Variants in ANPEP observed in about 807,000 individuals in gnomAD.
ANPEP encodes the protein alanyl aminopeptidase, membrane, also known as aminopeptidase N.
A neutral mutation model predicts 114.6 loss-of-function variants in ANPEP; 70 were observed. The ratio of observed to expected loss-of-function variants is 0.61; its 90% CI spans 0.50 to 0.75. The LOEUF is 0.75. Among genes scored for constraint, ANPEP ranks in the 30% least tolerant of loss-of-function variants. The pLI is 0.00. For missense variants in ANPEP, 1,184 were observed against 1,259.5 expected, an observed-to-expected ratio of 0.94 and a Z score of 0.91; for synonymous variants, 548 against 522.3, an observed-to-expected ratio of 1.05 and a Z score of -0.67.
rs193150988 is a variant in ANPEP, at chr15:89,812,097, T to G, written c.-224+2675A>C. On this transcript the variant is annotated intron_variant, in intron 1 of 20. Coordinates refer to ENST00000300060, the MANE Select transcript of ANPEP (RefSeq NM_001150.3). The stretch of plus-strand genomic sequence containing the variant: ...AGGCTCCTTGGTCTCAGATGTGAAG[T>G]GCAAGAGGCTTTCTACTCTAATATG... Among the ~76,000 whole-genome samples, 414 of 152,266 alleles carry G rather than the reference T, an allele frequency of 2.7e-3. 2 individuals are homozygous for G. Among genetic ancestry groups the G allele is most frequent in the African/African-American group, 9.5e-3 (393 of 41,540 alleles).
At position 89,785,259 on chromosome 15, in the gene ANPEP, G is replaced by C. The variant is rs921585972; in HGVS notation, c.*90C>G. The stretch of plus-strand genomic sequence containing the variant: ...TTGAGGGGAGGACACTGGTGCCTCG[G>C]GCTCCAGGAATGGAGGCCCTGCACC... On this transcript the variant is annotated 3_prime_UTR_variant, in exon 21 of 21. Coordinates refer to ENST00000300060, the MANE Select transcript of ANPEP (RefSeq NM_001150.3). The C allele has an allele frequency of 2.1e-5, 32 of 1,527,428 alleles. No individual in the cohort carries two copies. Among genetic ancestry groups the C allele is most frequent in the Middle Eastern group, 1.8e-4 (1 of 5,692 alleles). 94.6% of individuals were successfully genotyped at this position (1,527,428 alleles called of 1,614,324 possible).
chr15:89,808,424 C>T (rs1894762450), intron 1 of ANPEP, among the ~76,000 whole-genome samples: 1 of 152,248 alleles, frequency 6.6e-6, no homozygotes. Context: ...GGACTGCAGG[C>T]CCCATGACAG....
At position 89,792,142 on chromosome 15, in the gene ANPEP, C is replaced by A. The variant is rs763160436; in HGVS notation, c.2528+18G>T. On this transcript the variant is annotated intron_variant, in intron 18 of 20. Transcript: ENST00000300060. ...TGGGGAGAGGGCTCTCGCAGTCCCA[C>A]CCTGCGCCAAGACTCACCTGTTCAG... 3.1e-6 allele frequency: 5 copies of A among 1,608,704 alleles called. No homozygotes were observed. In the South Asian group the frequency reaches 5.5e-5, roughly 18 times the overall value.
At chr15:89,794,318 T>C (rs892018377) in intron 15 of ANPEP, among the ~76,000 whole-genome samples, 21 of 151,952 alleles carry the variant, frequency 1.4e-4, no homozygotes, top group African/African-American at 4.3e-4. Context: ...ACCCCGAAGC[T>C]ACTAAAAATA....
intron 20 of ANPEP, among the ~76,000 whole-genome samples, chr15:89,787,434 C>T (rs1305883999): frequency 2.0e-5 from 3 of 151,968 alleles, no homozygotes; most frequent in Admixed American, 2.0e-4. Flanking sequence ...TCTTCATGAC[C>T]TTGGGTTAGA....
At chr15:89,813,523 G>A (rs538047521) in intron 1 of ANPEP, among the ~76,000 whole-genome samples, 1 of 152,126 alleles carries the variant, frequency 6.6e-6, no homozygotes, top group East Asian at 1.9e-4. Flanking sequence ...TGTGGCCTTC[G>A]AGGCTAGGGC....
At chr15:89,804,644 C>G in intron 4 of ANPEP, 27 bp from the exon 5 acceptor site, 1 of 1,607,964 alleles carries the variant, frequency 6.2e-7, no homozygotes, top group Non-Finnish European at 8.5e-7. Context: ...AGAAGCAGAC[C>G]AGGGGCTCCT....
rs1186482039 is a variant in ANPEP at position 89,804,178 on chromosome 15, G to A, written c.1179+75C>T. 9.4e-6 allele frequency: 15 copies of A among 1,595,314 alleles called. No individual in the cohort carries two copies. The Middle Eastern group carries it at 8.7e-4, about 92-fold the overall frequency. On this transcript the variant is annotated intron_variant, in intron 6 of 20. Transcript: ENST00000300060. ...CCTCCTCCCTTCTCAGCAGCCCGGG[G>A]CAGAGCCTGGACTTGCGCCGTCTCC...
intron 1 of ANPEP, among the ~76,000 whole-genome samples, chr15:89,813,720 C>T (rs1395343742): frequency 1.3e-5 from 2 of 152,200 alleles, no homozygotes; most frequent in East Asian, 3.9e-4. Flanking sequence ...CGCCCACCTC[C>T]CCTCCACAAA....
rs573285200 is a variant in ANPEP, at chr15:89,793,767, T to C, written c.2158-641A>G. ...GGAATTTGGGAAACACAGAGAAGTA[T>C]ATGCAGAAAATAAAACACACCCAGG... On this transcript the variant is annotated intron_variant, in intron 15 of 20. Transcript: ENST00000300060. 1.1e-4 allele frequency among the ~76,000 whole-genome samples: 17 copies of C among 151,190 alleles called. No homozygotes were observed. The South Asian group carries it at 3.5e-3, about 31-fold the overall frequency.
Position 89,801,627 on chromosome 15 carries a change from G to A in ANPEP, c.1570-20C>T, listed in dbSNP as rs1894593658. On this transcript the variant is annotated intron_variant, in intron 10 of 20. Coordinates refer to ENST00000300060, the MANE Select transcript of ANPEP (RefSeq NM_001150.3). ...CACAGCCTGTGGGTGGAGCGAGAGG[G>A]CGTGGCCATCAGTGGGACCCTCCAG... 2.5e-6 allele frequency: 4 copies of A among 1,609,406 alleles called. No homozygotes were observed. The highest frequency in any genetic ancestry group is 3.3e-5 in the Admixed American group (2 of 59,872).
At position 89,792,376 on chromosome 15, in the gene ANPEP, G is replaced by A. The variant is rs779035253; in HGVS notation, c.2361-49C>T. On this transcript the variant is annotated intron_variant, in intron 17 of 20. Coordinates refer to ENST00000300060, the MANE Select transcript of ANPEP (RefSeq NM_001150.3). ...GTGTGGAACAGCAGCGGGGAGGGTG[G>A]GACAGGGTTCTGCTGAGGACGGGGC... is the stretch of plus-strand genomic sequence containing the variant. 21 of 1,612,644 alleles carry A rather than the reference G, an allele frequency of 1.3e-5. No individual in the cohort carries two copies. In the South Asian group the frequency reaches 2.2e-4, roughly 17 times the overall value.
chr15:89,799,786 T>G lies in ANPEP; in HGVS notation c.1820-227A>C, dbSNP rs1038014954. Among the ~76,000 whole-genome samples the G allele has an allele frequency of 6.6e-6, 1 of 152,168 alleles. No homozygotes were observed. Among genetic ancestry groups the G allele is most frequent in the African/African-American group, 2.4e-5 (1 of 41,438 alleles). On this transcript the variant is annotated intron_variant, in intron 12 of 20. Transcript: ENST00000300060. The surrounding 1 kb of genome is among the most constrained non-coding windows in gnomAD (Gnocchi z 4.2). ...CCACCCCAAACCTCAGAACCTGCCC[T>G]GCCTCCCTAGGCTCTGCACGGCCAG... is the stretch of plus-strand genomic sequence containing the variant.
chr15:89,791,262 G>C (rs1968619010), intron 18 of ANPEP, among the ~76,000 whole-genome samples, 169 bp from the exon 19 acceptor site: 1 of 152,220 alleles, frequency 6.6e-6, no homozygotes, highest in African/African-American at 2.4e-5. Flanking sequence ...GGAAAACTGA[G>C]TCACCTAAGC....
intron 15 of ANPEP, among the ~76,000 whole-genome samples, chr15:89,797,026 C>T (rs562005373): frequency 1.1e-4 from 17 of 152,290 alleles, no homozygotes; most frequent in Non-Finnish European, 2.1e-4. Context: ...GTCTCCCAAG[C>T]GGGAGCCTCA....
chr15:89,813,866 T>A (rs534776242), intron 1 of ANPEP, among the ~76,000 whole-genome samples: 1 of 152,226 alleles, frequency 6.6e-6, no homozygotes, highest in Admixed American at 6.5e-5. Context: ...AGACCAGGGC[T>A]CTGACCACCC....
Position 89,813,994 on chromosome 15 carries a change from G to C in ANPEP, c.-224+778C>G, listed in dbSNP as rs1046979527. 3.3e-4 allele frequency among the ~76,000 whole-genome samples: 48 copies of C among 146,102 alleles called. 5 individuals are homozygous for C. The highest frequency in any genetic ancestry group is 1.3e-3 in the South Asian group (6 of 4,590). ...CCGTCCCTGCCCACCGCACTGCTGGGGGGGGGGGGTGCGTTCTGGAGTCAT... is the reference window on the plus strand; with the variant it reads ...CCGTCCCTGCCCACCGCACTGCTGGCGGGGGGGGGTGCGTTCTGGAGTCAT... On this transcript the variant is annotated intron_variant, in intron 1 of 20. Coordinates refer to ENST00000300060, the MANE Select transcript of ANPEP (RefSeq NM_001150.3).
At chr15:89,792,040 G>T in intron 18 of ANPEP, 120 bp downstream of exon 18, 1 of 1,195,516 alleles carries the variant, frequency 8.4e-7, no homozygotes, top group Non-Finnish European at 1.2e-6. Context: ...TGGAAATACT[G>T]CCTCCACCTC....
intron 10 of ANPEP, among the ~76,000 whole-genome samples, chr15:89,801,900 T>G (rs1894600095): frequency 6.6e-6 from 1 of 152,170 alleles, no homozygotes; most frequent in Non-Finnish European, 1.5e-5. Flanking sequence ...CCCATGGCTC[T>G]TCCTGAACAA....
Sources: gnomAD v4.1 joint callset for allele counts (sites outside exome capture counted in the v4.1 genomes callset) on GRCh38, gnomAD v4.1.1 for gene constraint, Gnocchi (gnomAD v3.1) non-coding constraint, MANE v1.5 for transcripts, NCBI Gene and HGNC (gene_info 2026-07-23, HGNC 2026-07-21) for gene names.